The following XXYLT1 variants were observed in gnomAD, a reference collection of about 807,000 sequenced individuals.
XXYLT1 encodes the protein xyloside xylosyltransferase 1, also known as UDP-xylose:alpha-xyloside alpha-1,3-xylosyltransferase.
Under a neutral mutation model 28.9 loss-of-function variants are expected in XXYLT1, and 20 were observed. The ratio of observed to expected loss-of-function variants is 0.69; its 90% CI spans 0.49 to 1.00. The LOEUF is 1.00. XXYLT1 is among the 50% of genes least tolerant of loss of function. The pLI is 0.00. For synonymous variants in XXYLT1, 257 were observed against 253.8 expected, an observed-to-expected ratio of 1.01 and a Z score of -0.12; for missense variants, 542 against 560.1, an observed-to-expected ratio of 0.97 and a Z score of 0.33.
At chr3:195,237,777 G>A (rs942795286) in intron 1 of XXYLT1, among the ~76,000 whole-genome samples, 6 of 151,920 alleles carry the variant, frequency 3.9e-5, no homozygotes, top group African/African-American at 9.7e-5. Flanking sequence ...CTAAGGTACC[G>A]TTTCCTTTAT....
At chr3:195,267,813 G>A (rs956307068) in intron 1 of XXYLT1, among the ~76,000 whole-genome samples, 1 of 152,206 alleles carries the variant, frequency 6.6e-6, no homozygotes, top group African/African-American at 2.4e-5. Flanking sequence ...AAGGATGGAG[G>A]CAGGGAGAAC....
At chr3:195,262,921 C>T (rs1725737927) in intron 1 of XXYLT1, among the ~76,000 whole-genome samples, 1 of 152,160 alleles carries the variant, frequency 6.6e-6, no homozygotes, top group South Asian at 2.1e-4. Flanking sequence ...TATAAAATGT[C>T]GGCCTATCTT....
intron 1 of XXYLT1, among the ~76,000 whole-genome samples, chr3:195,249,498 C>T (rs561394456): frequency 3.3e-5 from 5 of 152,282 alleles, no homozygotes; most frequent in South Asian, 4.1e-4. Flanking sequence ...CAGGCAGCAA[C>T]GTAGATGGAC....
At chr3:195,110,541 G>A (rs539687748) in intron 3 of XXYLT1, among the ~76,000 whole-genome samples, 1 of 21,176 alleles carries the variant, frequency 4.7e-5, no homozygotes, top group Non-Finnish European at 1.2e-4. Flanking sequence ...GTGTGCGTGT[G>A]TGTGGTGTGT....
chr3:195,152,625 T>G (rs1043924990), intron 3 of XXYLT1: 6 of 152,202 alleles, frequency 3.9e-5, no homozygotes, highest in Admixed American at 6.5e-5. Context: ...AAAAACTATT[T>G]GTCAAATGGA....
chr3:195,184,321 T>G (rs190038090), intron 2 of XXYLT1, among the ~76,000 whole-genome samples: 1 of 152,382 alleles, frequency 6.6e-6, no homozygotes, highest in African/African-American at 2.4e-5. Flanking sequence ...TAAATGTGAC[T>G]GGCTTTTAGC....
chr3:195,207,833 G>A (rs1278323492), intron 2 of XXYLT1, among the ~76,000 whole-genome samples: 5 of 152,170 alleles, frequency 3.3e-5, no homozygotes, highest in Admixed American at 2.0e-4. Flanking sequence ...CCTCTCACTC[G>A]TGTGGCTGCT....
intron 3 of XXYLT1, among the ~76,000 whole-genome samples, chr3:195,136,973 A>G (rs1287044653): frequency 1.2e-4 from 18 of 152,238 alleles, no homozygotes. Context: ...AAATGAGCAC[A>G]GGATTGAGTG....
At chr3:195,258,707 C>T (rs1725568976) in intron 1 of XXYLT1, among the ~76,000 whole-genome samples, 1 of 152,212 alleles carries the variant, frequency 6.6e-6, no homozygotes, top group African/African-American at 2.4e-5. Context: ...TTCCTTCCAG[C>T]AGGAAAGAGA....
chr3:195,112,475 TGC>T (rs1717785712), intron 3 of XXYLT1, among the ~76,000 whole-genome samples: 1 of 135,388 alleles, frequency 7.4e-6, no homozygotes, highest in African/African-American at 2.8e-5. Flanking sequence ...CCCACACACA[TGC>T]ACACACGCAT....
In XXYLT1 at chr3:195,136,817, AAAAT is replaced by A. The variant is rs541615711; in HGVS notation, c.785+19628_785+19631del. ...CATGGAGACTTCAGCCTGGACAAGA[AAAAT>A]AAATAAATAAATAAAAACAAGCAGA... On this transcript the variant is annotated intron_variant, in intron 3 of 3. Coordinates refer to ENST00000310380, the MANE Select transcript of XXYLT1 (RefSeq NM_152531.5). Among the ~76,000 whole-genome samples the A allele has an allele frequency of 2.8e-3, 422 of 152,260 alleles. 1 individual carries two copies. Among genetic ancestry groups the A allele is most frequent in the Non-Finnish European group, 4.6e-3 (315 of 68,022 alleles).
chr3:195,186,206 T>C (rs2108745402), intron 2 of XXYLT1, among the ~76,000 whole-genome samples: 2 of 152,308 alleles, frequency 1.3e-5, no homozygotes, highest in African/African-American at 4.8e-5. Context: ...CAACTGGAAC[T>C]CTTCGTTGAG....
rs954287051 is a variant in XXYLT1 at position 195,168,194 on chromosome 3, G to A, written c.653-11613C>T. On this transcript the variant is annotated intron_variant, in intron 2 of 3. Coordinates refer to ENST00000310380, the MANE Select transcript of XXYLT1 (RefSeq NM_152531.5). This position sits in a 1 kb window ranked among gnomAD's most constrained non-coding sequence, Gnocchi z 4.3. ...CAGCTGTCGCAGACTGTAAGGATGA[G>A]GGGTTTGAAATGAATGTGGTCTGAG... Among the ~76,000 whole-genome samples, 1 of 152,200 alleles carries A rather than the reference G, an allele frequency of 6.6e-6. No homozygotes were observed. The highest frequency in any genetic ancestry group is 1.5e-5 in the Non-Finnish European group (1 of 68,032).
intron 3 of XXYLT1, among the ~76,000 whole-genome samples, chr3:195,142,511 C>T (rs1310018080): frequency 2.6e-5 from 4 of 152,180 alleles, no homozygotes; most frequent in African/African-American, 9.7e-5. Context: ...AGGTGTACCA[C>T]AAATTCAGCT....
chr3:195,202,107 G>A (rs1017172301), intron 2 of XXYLT1, among the ~76,000 whole-genome samples: 3 of 152,152 alleles, frequency 2.0e-5, no homozygotes, highest in Non-Finnish European at 4.4e-5. Flanking sequence ...AACCTGGGAG[G>A]TGGAGGTTGC....
intron 3 of XXYLT1, among the ~76,000 whole-genome samples, chr3:195,130,131 A>C (rs1718831904): frequency 1.3e-5 from 2 of 152,222 alleles, no homozygotes; most frequent in South Asian, 4.1e-4. Context: ...CCATTCTGCC[A>C]GTCTCAGCAA....
At chr3:195,213,413 C>A (rs11916733) in intron 2 of XXYLT1, among the ~76,000 whole-genome samples, 7 of 151,900 alleles carry the variant, frequency 4.6e-5, no homozygotes, top group Admixed American at 4.6e-4. Context: ...TACAGGCATG[C>A]GCCACCATGC....
At chr3:195,213,713 C>T (rs1723434254) in intron 2 of XXYLT1, among the ~76,000 whole-genome samples, 1 of 152,238 alleles carries the variant, frequency 6.6e-6, no homozygotes, top group Admixed American at 6.5e-5. Context: ...CCTATCAGAG[C>T]TTTTGGTTTG....
In XXYLT1 at chr3:195,270,487, G is replaced by A. The variant is rs186432312; in HGVS notation, c.504+68C>T. On this transcript the variant is annotated intron_variant, in intron 1 of 3. Coordinates refer to ENST00000310380, the MANE Select transcript of XXYLT1 (RefSeq NM_152531.5). Reference sequence around the variant, plus strand: ...CTAGTTCCCCGGATCCCCTCCGGGAGCGCAAACTGACCTCGCCTAGGATGG... The same window carrying A: ...CTAGTTCCCCGGATCCCCTCCGGGAACGCAAACTGACCTCGCCTAGGATGG... 1.0e-3 allele frequency: 1,418 copies of A among 1,351,944 alleles called. 22 individuals carry two copies. The East Asian group carries it at 0.025, about 24-fold the overall frequency. The allele number at this position is 1,351,944 out of a possible 1,614,324, so 83.7% of individuals were successfully genotyped here. A position where few individuals can be genotyped will look rare whatever the true frequency, so the allele number is the denominator to read the frequency against.
Sources: allele counts gnomAD v4.1 joint callset (sites outside exome capture counted in the v4.1 genomes callset), GRCh38; gene constraint gnomAD v4.1.1; non-coding constraint Gnocchi (gnomAD v3.1); transcripts MANE v1.5; gene names NCBI Gene and HGNC (gene_info 2026-07-23, HGNC 2026-07-21).